The following OSBPL10 variants were observed in gnomAD, a reference collection of about 807,000 sequenced individuals.
The protein encoded by OSBPL10 is oxysterol-binding protein-related protein 10.
OSBPL10 carries 49 observed loss-of-function variants against 81.7 expected under a neutral mutation model. The observed-to-expected ratio is 0.60, with a 90% CI of 0.48 to 0.76. The LOEUF is 0.76. Ranked by LOEUF, OSBPL10 falls within the 30% of genes least tolerant of loss-of-function variation. The pLI is 0.00. For synonymous variants in OSBPL10, 419 were observed against 383.6 expected (o/e 1.09, Z -1.08); for missense variants, 923 against 987.8 (o/e 0.93, Z 0.88).
At chr3:31,779,692 GAACA>G (rs1451202213) in intron 4 of OSBPL10, among the ~76,000 whole-genome samples, 1 of 152,112 alleles carries the variant, frequency 6.6e-6, no homozygotes, top group East Asian at 1.9e-4. Context: ...CTACACCCTA[GAACA>G]AATGGACTTA....
intron 1 of OSBPL10, among the ~76,000 whole-genome samples, chr3:31,880,588 G>A (rs1344195357): frequency 6.6e-6 from 1 of 152,204 alleles, no homozygotes; most frequent in African/African-American, 2.4e-5. Flanking sequence ...GTCTTCACCT[G>A]AGCCTCAGAT....
At chr3:31,685,574 C>A (rs1700772492) in intron 7 of OSBPL10, among the ~76,000 whole-genome samples, 1 of 152,218 alleles carries the variant, frequency 6.6e-6, no homozygotes. Flanking sequence ...GATTTTGAAA[C>A]TGGAAAGCTA....
intron 3 of OSBPL10, among the ~76,000 whole-genome samples, chr3:31,871,286 G>A (rs11914447): frequency 6.6e-6 from 1 of 152,016 alleles, no homozygotes; most frequent in African/African-American, 2.4e-5. Flanking sequence ...CCGGGAGGAA[G>A]GAACAACTCC....
intron 4 of OSBPL10, among the ~76,000 whole-genome samples, chr3:31,790,165 G>C (rs1203532160): frequency 6.6e-6 from 1 of 152,120 alleles, no homozygotes; most frequent in South Asian, 2.1e-4. Flanking sequence ...AATCTCACAA[G>C]TAATTACAGA....
chr3:31,764,289 G>A (rs139972633), intron 4 of OSBPL10, among the ~76,000 whole-genome samples: 113 of 152,272 alleles, frequency 7.4e-4, no homozygotes, highest in African/African-American at 2.4e-3. Flanking sequence ...CTCTCTCCAC[G>A]GCCCAGCCTG....
Position 31,747,907 on chromosome 3 carries a change from T to C in OSBPL10, c.940+3A>G, listed in dbSNP as rs750908652. 1.4e-5 allele frequency: 23 copies of C among 1,612,934 alleles called. No individual in the cohort carries two copies. Among genetic ancestry groups the C allele is most frequent in the South Asian group, 2.2e-5 (2 of 91,038 alleles). On this transcript the variant is annotated splice_donor_region_variant and intron_variant, in intron 5 of 11. Transcript: ENST00000396556. The stretch of plus-strand genomic sequence containing the variant: ...AACATGGACAAGCCCCCGGGGGTCT[T>C]ACCCGAGGCTCCTGGCTTCTGGCTG...
At chr3:31,928,517 G>A (rs1285415562) in intron 1 of OSBPL10, among the ~76,000 whole-genome samples, 3 of 125,810 alleles carry the variant, frequency 2.4e-5, no homozygotes, top group Non-Finnish European at 3.3e-5. Context: ...GCTCCTGCCT[G>A]TAATCCCAGC....
intron 2 of OSBPL10, among the ~76,000 whole-genome samples, chr3:31,992,219 T>TA (rs766602237): frequency 1.3e-5 from 2 of 151,914 alleles, no homozygotes; most frequent in Non-Finnish European, 2.9e-5. Context: ...TGGAACAGAA[T>TA]AAATAATCTA....
intron 6 of OSBPL10, chr3:31,713,857 A>G (rs1696346184): frequency 6.6e-6 from 1 of 152,182 alleles, no homozygotes; most frequent in South Asian, 2.1e-4. Flanking sequence ...TGCATTTATC[A>G]TCTCTCTCCC....
intron 1 of OSBPL10, among the ~76,000 whole-genome samples, chr3:32,053,506 A>T (rs1699684049): frequency 6.6e-6 from 1 of 152,198 alleles, no homozygotes; most frequent in Non-Finnish European, 1.5e-5. Context: ...CTCTTTTACA[A>T]AAATTGTAAA....
At chr3:31,710,412 T>G (rs1408307430) in intron 6 of OSBPL10, among the ~76,000 whole-genome samples, 1 of 151,786 alleles carries the variant, frequency 6.6e-6, no homozygotes, top group Non-Finnish European at 1.5e-5. Context: ...GCTCCCCTTC[T>G]CCCCCCACAG....
chr3:31,857,201 C>T (rs9838055), intron 3 of OSBPL10, among the ~76,000 whole-genome samples: 5,028 of 152,234 alleles, frequency 0.033, 286 homozygotes, highest in African/African-American at 0.11. Context: ...ACCCCAGCAC[C>T]GGAGGGTTTT....
chr3:31,997,124 T>C (rs907759894), intron 2 of OSBPL10, among the ~76,000 whole-genome samples: 1 of 152,220 alleles, frequency 6.6e-6, no homozygotes, highest in Non-Finnish European at 1.5e-5. Flanking sequence ...CATTATGCAG[T>C]AAATTATTTC....
chr3:32,074,644 G>A (rs1699859198), intron 1 of OSBPL10, among the ~76,000 whole-genome samples: 1 of 152,014 alleles, frequency 6.6e-6, no homozygotes. Flanking sequence ...CTTATACCCA[G>A]CCCCATGAAT....
At chr3:31,820,178 T>C (rs1041246478) in intron 4 of OSBPL10, among the ~76,000 whole-genome samples, 1 of 152,190 alleles carries the variant, frequency 6.6e-6, no homozygotes, top group Non-Finnish European at 1.5e-5. Context: ...AGGAAAGTAT[T>C]GAGCCCAGGT....
At chr3:31,790,566 G>A (rs764690433) in intron 4 of OSBPL10, among the ~76,000 whole-genome samples, 1 of 152,188 alleles carries the variant, frequency 6.6e-6, no homozygotes. Flanking sequence ...AAGGGCAAAA[G>A]ATTAAGAGGC....
At chr3:32,055,178 G>A (rs1159813678) in intron 1 of OSBPL10, among the ~76,000 whole-genome samples, 2 of 109,612 alleles carry the variant, frequency 1.8e-5, no homozygotes, top group Non-Finnish European at 3.8e-5. Context: ...GAAAACTTTT[G>A]AACTATTTAT....
chr3:31,870,260 T>C (rs1440818756), intron 3 of OSBPL10, among the ~76,000 whole-genome samples: 2 of 151,486 alleles, frequency 1.3e-5, no homozygotes, highest in Non-Finnish European at 2.9e-5. Flanking sequence ...GCTTAGCACC[T>C]GGGCCAGTGG....
intron 1 of OSBPL10, among the ~76,000 whole-genome samples, chr3:32,076,624 G>A (rs931329747): frequency 6.6e-6 from 1 of 152,110 alleles, no homozygotes; most frequent in African/African-American, 2.4e-5. Flanking sequence ...ATCAAGACAG[G>A]GGAATTGCAA....
Sources: allele counts gnomAD v4.1 joint callset (sites outside exome capture counted in the v4.1 genomes callset), GRCh38; gene constraint gnomAD v4.1.1; transcripts MANE v1.5; gene names NCBI Gene and HGNC (gene_info 2026-07-23, HGNC 2026-07-21).